The following CTNNA2 variants were observed in gnomAD, a reference collection of about 807,000 sequenced individuals.
CTNNA2 encodes catenin alpha 2, also known as catenin alpha-2.
A neutral mutation model predicts 101.0 loss-of-function variants in CTNNA2; 42 were observed. That is an observed-to-expected ratio of 0.42 (90% CI 0.32 to 0.54). The LOEUF (loss-of-function observed/expected upper bound fraction) is 0.54. Ranked by LOEUF, CTNNA2 falls within the 20% of genes least tolerant of loss-of-function variation. CTNNA2 has a pLI of 0.14. For missense variants in CTNNA2, 871 were observed against 1,223.1 expected (o/e 0.71, Z 4.29); for synonymous variants, 450 against 456.4 (o/e 0.99, Z 0.18).
intron 2 of CTNNA2, among the ~76,000 whole-genome samples, chr2:79,219,080 T>C (rs1674306860): frequency 6.6e-6 from 1 of 152,218 alleles, no homozygotes; most frequent in South Asian, 2.1e-4. Context: ...TATTTATACA[T>C]ATGTAAACGC....
intron 7 of CTNNA2, among the ~76,000 whole-genome samples, chr2:80,285,104 G>A (rs141996109): frequency 5.3e-4 from 81 of 152,020 alleles, no homozygotes; most frequent in African/African-American, 1.8e-3. Context: ...GTAGATGTCC[G>A]TCCAGCTGGT....
chr2:80,045,001 G>A (rs560406254), intron 7 of CTNNA2, among the ~76,000 whole-genome samples: 2 of 152,154 alleles, frequency 1.3e-5, no homozygotes, highest in African/African-American at 2.4e-5. Context: ...GGCTTACTCG[G>A]TTGCATGAGG....
At chr2:80,304,047 G>A (rs1676655992) in intron 7 of CTNNA2, 3 of 440,964 alleles carry the variant, frequency 6.8e-6, no homozygotes, top group Admixed American at 4.1e-5. Flanking sequence ...GCCACGGAAA[G>A]ATCAAAGAGA....
At chr2:80,244,626 T>G (rs1268352715) in intron 7 of CTNNA2, among the ~76,000 whole-genome samples, 2 of 152,240 alleles carry the variant, frequency 1.3e-5, no homozygotes, top group East Asian at 3.8e-4. Flanking sequence ...CCTCTTTTGT[T>G]AGGTTAGTGC....
rs141350483 is a variant in CTNNA2 at position 79,860,154 on chromosome 2, A to G, written c.465+1975A>G. Reference sequence around the variant, plus strand: ...AAAGGTTGTGTTATCTTTCCCTTACAGCCTAGTTAGTCTCCGAAGGCGATA... The same window carrying G: ...AAAGGTTGTGTTATCTTTCCCTTACGGCCTAGTTAGTCTCCGAAGGCGATA... On this transcript the variant is annotated intron_variant, in intron 4 of 18. Transcript: ENST00000402739. 4.0e-3 allele frequency among the ~76,000 whole-genome samples: 603 copies of G among 152,336 alleles called. 8 individuals are homozygous for G. Among genetic ancestry groups the G allele is most frequent in the East Asian group, 0.033 (172 of 5,182 alleles).
chr2:80,395,774 C>G (rs888012885), intron 8 of CTNNA2, among the ~76,000 whole-genome samples: 27 of 152,308 alleles, frequency 1.8e-4, no homozygotes, highest in African/African-American at 6.5e-4. Context: ...AGAGCAGATT[C>G]TAAAAGAGAT....
rs1404634078 is a variant in CTNNA2, at chr2:80,303,208, A to G, written c.1057-90003A>G. ...CGGTGAGCTTAAACAAGCCGGCGAA[A>G]GAGTTGCGCGCCAGACTCTTGAGCT... On this transcript the variant is annotated intron_variant, in intron 7 of 18. Transcript: ENST00000402739. The surrounding 1 kb of genome is among the most constrained non-coding windows in gnomAD (Gnocchi z 7.7). 3 of 1,613,908 alleles carry G rather than the reference A, an allele frequency of 1.9e-6. No individual in the cohort carries two copies. The highest frequency in any genetic ancestry group is 2.5e-6 in the Non-Finnish European group (3 of 1,179,932).
chr2:80,639,266 G>A (rs946921155), intron 18 of CTNNA2, among the ~76,000 whole-genome samples: 1 of 152,156 alleles, frequency 6.6e-6, no homozygotes, highest in Non-Finnish European at 1.5e-5. Flanking sequence ...GTGGAGTGCA[G>A]TGGCTCCATC....
intron 3 of CTNNA2, among the ~76,000 whole-genome samples, chr2:79,762,251 C>T (rs920198256): frequency 6.6e-6 from 1 of 152,160 alleles, no homozygotes; most frequent in Non-Finnish European, 1.5e-5. Flanking sequence ...TTAGTCAACC[C>T]AGGCGTGGTT....
intron 7 of CTNNA2, among the ~76,000 whole-genome samples, chr2:80,237,077 C>G (rs1234073662): frequency 6.6e-6 from 1 of 152,140 alleles, no homozygotes; most frequent in Non-Finnish European, 1.5e-5. Flanking sequence ...GATCCCTTCC[C>G]ATTGTCAGTC....
intron 7 of CTNNA2, among the ~76,000 whole-genome samples, chr2:80,051,962 C>T (rs905358998): frequency 6.6e-6 from 1 of 152,118 alleles, no homozygotes. Context: ...TTCCCCTAAA[C>T]AAAACTGTGT....
At chr2:80,527,588 G>A (rs1014059608) in intron 9 of CTNNA2, among the ~76,000 whole-genome samples, 3 of 152,124 alleles carry the variant, frequency 2.0e-5, no homozygotes, top group Non-Finnish European at 4.4e-5. Flanking sequence ...GCAGAGCTCT[G>A]GAATCAGAAT....
chr2:79,484,832 C>T (rs1210902353), intron 4 of CTNNA2, among the ~76,000 whole-genome samples: 2 of 152,138 alleles, frequency 1.3e-5, no homozygotes, highest in Admixed American at 6.6e-5. Flanking sequence ...TTGATAATTC[C>T]TTAAGATTTC....
chr2:79,831,454 T>C (rs945289377), intron 3 of CTNNA2, among the ~76,000 whole-genome samples: 5 of 152,148 alleles, frequency 3.3e-5, no homozygotes, highest in African/African-American at 1.2e-4. Flanking sequence ...CCTTTTCAAA[T>C]ACTTTTTTTT....
At chr2:80,176,649 T>C (rs1281868720) in intron 7 of CTNNA2, among the ~76,000 whole-genome samples, 1 of 152,206 alleles carries the variant, frequency 6.6e-6, no homozygotes, top group African/African-American at 2.4e-5. Flanking sequence ...AGTTTTCCAT[T>C]GACCTTAATC....
chr2:79,909,961 G>A (rs913232356), intron 7 of CTNNA2, among the ~76,000 whole-genome samples, 164 bp downstream of exon 7: 1 of 152,192 alleles, frequency 6.6e-6, no homozygotes, highest in African/African-American at 2.4e-5. Flanking sequence ...TGTCGTGTGT[G>A]TTGTTTCTGA....
intron 7 of CTNNA2, among the ~76,000 whole-genome samples, chr2:80,126,495 C>A (rs894773490): frequency 1.3e-5 from 2 of 151,890 alleles, no homozygotes; most frequent in Non-Finnish European, 2.9e-5. Context: ...TGATCCCTCT[C>A]CCCTAATCCC....
At chr2:79,794,370 GA>G (rs1390789996) in intron 3 of CTNNA2, among the ~76,000 whole-genome samples, 2 of 151,984 alleles carry the variant, frequency 1.3e-5, no homozygotes, top group Non-Finnish European at 2.9e-5. Flanking sequence ...TTGAAGATTA[GA>G]ATGCTTAATA....
At position 79,518,409 on chromosome 2, in the gene CTNNA2, T is replaced by C. The variant is rs562651809; in HGVS notation, c.-6+5202T>C. ...GGTCTCAAGGGCCACAGAGCCATAA[T>C]AGAAAATTAATAGAAAGCTTCTGAG... On this transcript the variant is annotated intron_variant, in intron 1 of 18. Transcript: ENST00000402739. 5.3e-5 allele frequency among the ~76,000 whole-genome samples: 8 copies of C among 152,318 alleles called. No individual in the cohort carries two copies. In the South Asian group the frequency reaches 1.7e-3, roughly 32 times the overall value.
Sources: allele counts gnomAD v4.1 joint callset (sites outside exome capture counted in the v4.1 genomes callset), GRCh38; gene constraint gnomAD v4.1.1; non-coding constraint Gnocchi (gnomAD v3.1); transcripts MANE v1.5; gene names NCBI Gene and HGNC (gene_info 2026-07-23, HGNC 2026-07-21).